MTHFD2L: variants seen among roughly 807,000 people sequenced by gnomAD.
MTHFD2L encodes bifunctional methylenetetrahydrofolate dehydrogenase/cyclohydrolase 2, mitochondrial.
MTHFD2L carries 29 observed loss-of-function variants against 34.9 expected under a neutral mutation model. The observed-to-expected ratio is 0.83, with a 90% CI of 0.62 to 1.13. MTHFD2L has a LOEUF of 1.13. MTHFD2L is among the 50% of genes most tolerant of loss of function. The pLI is 0.00. For synonymous variants in MTHFD2L, 167 were observed against 155.7 expected (o/e 1.07, Z -0.54); for missense variants, 481 against 446.5 (o/e 1.08, Z -0.70).
intron 1 of MTHFD2L, among the ~76,000 whole-genome samples, chr4:74,141,087 C>T (rs1456740392): frequency 6.6e-6 from 1 of 152,102 alleles, no homozygotes; most frequent in East Asian, 1.9e-4. Flanking sequence ...CTTAGTGTAG[C>T]TTGTTTTTGC....
chr4:74,130,008 CA>C (rs1157502892), intron 1 of MTHFD2L, among the ~76,000 whole-genome samples: 2 of 152,090 alleles, frequency 1.3e-5, no homozygotes, highest in African/African-American at 2.4e-5. Context: ...AATTCCTGGA[CA>C]CATACACCCT....
At position 74,250,280 on chromosome 4, in the gene MTHFD2L, A is replaced by G. The variant is rs971441706; in HGVS notation, c.805+24886A>G. 4.6e-5 allele frequency among the ~76,000 whole-genome samples: 7 copies of G among 152,332 alleles called. No individual in the cohort carries two copies. The South Asian group carries it at 1.5e-3, about 32-fold the overall frequency. ...AAACAAAAAAGTTTGAAAATCACTA[A>G]CTTGCATAATCACACTCTCTAATTT... On this transcript the variant is annotated intron_variant, in intron 6 of 7. Coordinates refer to ENST00000325278, the MANE Select transcript of MTHFD2L (RefSeq NM_001144978.3).
intron 3 of MTHFD2L, among the ~76,000 whole-genome samples, chr4:74,186,089 A>G (rs1258166087): frequency 1.3e-5 from 2 of 152,146 alleles, no homozygotes; most frequent in Non-Finnish European, 2.9e-5. Flanking sequence ...AACAGTAAAC[A>G]ATGTATTTTA....
chr4:74,222,497 G>C (rs1398953679), intron 5 of MTHFD2L, among the ~76,000 whole-genome samples: 2 of 151,988 alleles, frequency 1.3e-5, no homozygotes, highest in African/African-American at 2.4e-5. Context: ...GCAGAGGACT[G>C]GTGTCCTAAT....
intron 1 of MTHFD2L, among the ~76,000 whole-genome samples, chr4:74,130,703 T>G (rs1722427692): frequency 6.6e-6 from 1 of 152,096 alleles, no homozygotes; most frequent in African/African-American, 2.4e-5. Context: ...CTCTCACCAC[T>G]CCTATTCAAC....
intron 5 of MTHFD2L, among the ~76,000 whole-genome samples, chr4:74,218,511 T>A (rs1181130732): frequency 6.6e-6 from 1 of 152,060 alleles, no homozygotes; most frequent in East Asian, 1.9e-4. Context: ...AGAATCCTGT[T>A]TAAGGGATTT....
At chr4:74,241,569 A>C in intron 6 of MTHFD2L, 1 of 448,704 alleles carries the variant, frequency 2.2e-6, no homozygotes, top group Non-Finnish European at 4.5e-6. Flanking sequence ...TTTTGTAGAG[A>C]GATTTCACCA....
intron 5 of MTHFD2L, among the ~76,000 whole-genome samples, chr4:74,215,833 A>G (rs1474810771): frequency 1.3e-5 from 2 of 151,778 alleles, no homozygotes; most frequent in Non-Finnish European, 2.9e-5. Context: ...GTCTGCATAG[A>G]TACATTCCTA....
chr4:74,219,057 G>T (rs1737698610), intron 5 of MTHFD2L, among the ~76,000 whole-genome samples: 1 of 151,990 alleles, frequency 6.6e-6, no homozygotes, highest in South Asian at 2.1e-4. Context: ...TAATACCTAA[G>T]TAATAAGTAA....
intron 7 of MTHFD2L, chr4:74,293,342 T>C (rs1421395597): frequency 1.2e-5 from 2 of 164,108 alleles, no homozygotes; most frequent in African/African-American, 2.4e-5. Flanking sequence ...ATGGTTTACA[T>C]CTATAATACA....
At chr4:74,278,334 T>C (rs1352726511) in intron 6 of MTHFD2L, among the ~76,000 whole-genome samples, 1 of 152,156 alleles carries the variant, frequency 6.6e-6, no homozygotes, top group African/African-American at 2.4e-5. Context: ...CAGCACTTCA[T>C]GAGAATTATA....
chr4:74,253,856 C>T (rs1439972728), intron 6 of MTHFD2L, among the ~76,000 whole-genome samples: 1 of 152,178 alleles, frequency 6.6e-6, no homozygotes, highest in African/African-American at 2.4e-5. Context: ...TCTACCTCAC[C>T]ACCAGCCTGG....
At chr4:74,239,983 G>A (rs1741461259) in intron 6 of MTHFD2L, among the ~76,000 whole-genome samples, 1 of 152,060 alleles carries the variant, frequency 6.6e-6, no homozygotes, top group Non-Finnish European at 1.5e-5. Context: ...TAAAAATAAT[G>A]TGGTGCACCA....
intron 6 of MTHFD2L, among the ~76,000 whole-genome samples, chr4:74,260,960 T>C (rs1322952876): frequency 2.0e-5 from 3 of 151,606 alleles, no homozygotes; most frequent in Non-Finnish European, 2.9e-5. Context: ...AAGCTATCAA[T>C]ATTTGGTGCT....
At chr4:74,229,504 G>T (rs74495291) in intron 6 of MTHFD2L, among the ~76,000 whole-genome samples, 2,264 of 152,224 alleles carry the variant, frequency 0.015, 67 homozygotes, top group African/African-American at 0.052. Flanking sequence ...GGAGGATTGC[G>T]TGATATATAT....
chr4:74,165,482 C>T (rs542699298), intron 1 of MTHFD2L, among the ~76,000 whole-genome samples: 12 of 152,204 alleles, frequency 7.9e-5, no homozygotes, highest in Non-Finnish European at 1.3e-4. Flanking sequence ...CTCAACCTCC[C>T]GAGTAGCTGG....
chr4:74,244,032 C>A lies in MTHFD2L; in HGVS notation c.805+18638C>A, dbSNP rs369737845. ...GATTATTACATGTTTAAGGTTGGGC[C>A]TGTGGGAGAAAATGCCACTCCCTGT... is the stretch of plus-strand genomic sequence containing the variant. On this transcript the variant is annotated intron_variant, in intron 6 of 7. Transcript: ENST00000325278. 2.8e-4 allele frequency among the ~76,000 whole-genome samples: 42 copies of A among 152,258 alleles called. 1 individual carries two copies. In the East Asian group the frequency reaches 5.0e-3, roughly 18 times the overall value.
intron 3 of MTHFD2L, among the ~76,000 whole-genome samples, chr4:74,187,369 G>A (rs1243811338): frequency 6.6e-6 from 1 of 152,074 alleles, no homozygotes; most frequent in Non-Finnish European, 1.5e-5. Context: ...GAGAAAACAG[G>A]ACAGAAAAAA....
intron 6 of MTHFD2L, among the ~76,000 whole-genome samples, chr4:74,235,863 G>A (rs371356766): frequency 1.3e-5 from 2 of 152,018 alleles, no homozygotes; most frequent in Admixed American, 1.3e-4. Context: ...ACCTTTATCG[G>A]CTTGAAAGCA....
Sources: gnomAD v4.1 joint callset for allele counts (sites outside exome capture counted in the v4.1 genomes callset) on GRCh38, gnomAD v4.1.1 for gene constraint, MANE v1.5 for transcripts, NCBI Gene and HGNC (gene_info 2026-07-23, HGNC 2026-07-21) for gene names.